The following HERPUD2 variants were observed in gnomAD, a reference collection of about 807,000 sequenced individuals.
HERPUD2 encodes the protein homocysteine-responsive endoplasmic reticulum-resident ubiquitin-like domain member 2 protein.
A neutral mutation model predicts 49.9 loss-of-function variants in HERPUD2; 13 were observed. The observed-to-expected ratio is 0.26, with a 90% CI of 0.17 to 0.41. The LOEUF (loss-of-function observed/expected upper bound fraction) is 0.41, where lower values mean the gene tolerates loss of function less well. HERPUD2 is among the 10% of genes least tolerant of loss of function. The probability of loss-of-function intolerance (pLI) is 1.00; values close to 1 mark genes in which losing one functional copy is unlikely to be tolerated. For missense variants in HERPUD2, 449 were observed against 492.2 expected, an observed-to-expected ratio of 0.91 and a Z score of 0.83; for synonymous variants, 172 against 171.4, an observed-to-expected ratio of 1.00 and a Z score of -0.03.
chr7:35,646,917 A>T (rs989601459), intron 5 of HERPUD2, among the ~76,000 whole-genome samples: 11 of 152,306 alleles, frequency 7.2e-5, no homozygotes, highest in Middle Eastern at 3.4e-3. Context: ...AACAGAAAAA[A>T]GGGAGCAAGG....
chr7:35,642,597 C>G (rs754135444), intron 5 of HERPUD2, among the ~76,000 whole-genome samples: 1 of 152,090 alleles, frequency 6.6e-6, no homozygotes, highest in Non-Finnish European at 1.5e-5. Flanking sequence ...AGAAAAAGTA[C>G]ATATACACCA....
At chr7:35,680,805 T>G (rs1785870669) in intron 2 of HERPUD2, among the ~76,000 whole-genome samples, 1 of 152,224 alleles carries the variant, frequency 6.6e-6, no homozygotes, top group African/African-American at 2.4e-5. Flanking sequence ...CAACCTGTAA[T>G]TATGTCAACA....
intron 2 of HERPUD2, 69 bp downstream of exon 2, chr7:35,694,115 G>A (rs1786260171): frequency 6.4e-7 from 1 of 1,550,954 alleles, no homozygotes; most frequent in East Asian, 2.2e-5. Flanking sequence ...GGAGAAGCAG[G>A]AAAAAGGAGG....
Position 35,651,858 on chromosome 7 carries a change from C to T in HERPUD2, c.495-13386G>A, listed in dbSNP as rs147024859. ...ATTCAGGATACAAATGAGAAATTTACCAAAGACACAGATATCATTAAAAAG... is the reference window on the plus strand; with the variant it reads ...ATTCAGGATACAAATGAGAAATTTATCAAAGACACAGATATCATTAAAAAG... On this transcript the variant is annotated intron_variant, in intron 5 of 8. Transcript: ENST00000311350. Among the ~76,000 whole-genome samples, 31 of 151,996 alleles carry T rather than the reference C, an allele frequency of 2.0e-4. No individual in the cohort carries two copies. In the East Asian group the frequency reaches 6.0e-3, roughly 29 times the overall value.
At position 35,635,343 on chromosome 7, in the gene HERPUD2, G is replaced by T; in HGVS notation, c.733C>A (p.Leu245Ile). 2 of 1,614,144 alleles carry T rather than the reference G, an allele frequency of 1.2e-6. No homozygotes were observed. The highest frequency in any genetic ancestry group is 8.5e-7 in the Non-Finnish European group (1 of 1,180,034). ...ATGGGTCGATTTTCTTGGGCCACTA[G>T]GTTTGGAGCTGGTGGGGGTTCTTCT... is the stretch of plus-strand genomic sequence containing the variant. ...PGEEPPPAPN[L>I]VAQENRPMNE... The change falls in exon 7 of 9, where the codon CTA becomes ATA. Residue 245 changes from leucine to isoleucine, a missense_variant. Transcript: ENST00000311350.
chr7:35,685,925 C>A (rs1171116118), intron 2 of HERPUD2, among the ~76,000 whole-genome samples: 5 of 151,826 alleles, frequency 3.3e-5, no homozygotes, highest in Non-Finnish European at 1.5e-5. Context: ...TGTGCCACTG[C>A]ACTCCAGCCT....
intron 5 of HERPUD2, among the ~76,000 whole-genome samples, chr7:35,660,081 T>A (rs928779950): frequency 6.6e-6 from 1 of 152,124 alleles, no homozygotes; most frequent in African/African-American, 2.4e-5. Flanking sequence ...CCTGTGTCCA[T>A]GGGTTCTCAT....
In HERPUD2 at chr7:35,670,308, A is replaced by T; in HGVS notation, c.246T>A (p.Val82=). Residue 82 remains valine (V), a synonymous_variant, in exon 4 of 9, where the codon GTT becomes GTA. Transcript: ENST00000311350. ...GAGTCCGAGAAGTACATACTAGATG[A>T]ACCATATGATACTCATCTTGCTAAA... ...ILRKQDEYHM[V]HLVCTSRTPP... is the part of the protein sequence containing the mutation. The T allele has an allele frequency of 6.5e-7, 1 of 1,533,124 alleles. No individual in the cohort carries two copies. The highest frequency in any genetic ancestry group is 8.9e-7 in the Non-Finnish European group (1 of 1,128,156). 95.0% of individuals were successfully genotyped at this position (1,533,124 alleles called of 1,614,324 possible). A position where few individuals can be genotyped will look rare whatever the true frequency, so the allele number is the denominator to read the frequency against.
intron 2 of HERPUD2, among the ~76,000 whole-genome samples, chr7:35,676,852 A>ATAACAAGATTGTTAC (rs1309128256): frequency 6.6e-6 from 1 of 152,198 alleles, no homozygotes; most frequent in Non-Finnish European, 1.5e-5. Flanking sequence ...CAAATTAACA[A>ATAACAAGATTGTTAC]TAACAAGATT....
At chr7:35,667,143 T>C (rs1375993254) in intron 5 of HERPUD2, among the ~76,000 whole-genome samples, 9 of 152,130 alleles carry the variant, frequency 5.9e-5, no homozygotes, top group Non-Finnish European at 1.3e-4. Flanking sequence ...GAAATGCAGA[T>C]TCTCAGGCCC....
rs1379725281 is a variant in HERPUD2 at position 35,638,406 on chromosome 7, G to A, written c.561C>T (p.Ser187=). The A allele has an allele frequency of 8.1e-6, 13 of 1,613,498 alleles. No individual in the cohort carries two copies. Among genetic ancestry groups the A allele is most frequent in the Non-Finnish European group, 1.1e-5 (13 of 1,179,544 alleles). ...PPGFPVYPAF[S]PLQMLWWQQM... ...GTTGCCACCATAGCATCTGCAGTGGGCTAAACGCGGGATACACTGGGAATC... is the reference window on the plus strand; with the variant it reads ...GTTGCCACCATAGCATCTGCAGTGGACTAAACGCGGGATACACTGGGAATC... The change falls in exon 6 of 9, where the codon AGC becomes AGT. Residue 187 remains serine (S), a synonymous_variant. Coordinates refer to ENST00000311350, the MANE Select transcript of HERPUD2 (RefSeq NM_022373.5).
At chr7:35,675,608 C>T (rs936853879) in intron 2 of HERPUD2, among the ~76,000 whole-genome samples, 3 of 152,074 alleles carry the variant, frequency 2.0e-5, no homozygotes, top group Non-Finnish European at 4.4e-5. Flanking sequence ...TAAAAATTAT[C>T]AAACATACAT....
chr7:35,663,940 T>C (rs1348420700), intron 5 of HERPUD2, among the ~76,000 whole-genome samples: 1 of 152,202 alleles, frequency 6.6e-6, no homozygotes, highest in Non-Finnish European at 1.5e-5. Context: ...GTCATTATGA[T>C]GTTAGCTGGT....
At chr7:35,677,720 A>G (rs960585981) in intron 2 of HERPUD2, among the ~76,000 whole-genome samples, 9 of 152,254 alleles carry the variant, frequency 5.9e-5, no homozygotes, top group Non-Finnish European at 1.3e-4. Context: ...ATGTGTTTAT[A>G]TGCCAACAGA....
At chr7:35,650,198 G>GA (rs1328213676) in intron 5 of HERPUD2, among the ~76,000 whole-genome samples, 2 of 152,156 alleles carry the variant, frequency 1.3e-5, no homozygotes, top group Non-Finnish European at 2.9e-5. Context: ...ACCTAAGGGA[G>GA]AATGCTGGAA....
chr7:35,674,459 A>G (rs528162594), intron 2 of HERPUD2, among the ~76,000 whole-genome samples: 21 of 118,392 alleles, frequency 1.8e-4, no homozygotes, highest in Middle Eastern at 4.8e-3. Context: ...AGAGAGAGAG[A>G]GAGAGGAGCA....
At chr7:35,687,569 G>GC (rs1489004014) in intron 2 of HERPUD2, among the ~76,000 whole-genome samples, 2 of 152,208 alleles carry the variant, frequency 1.3e-5, no homozygotes, top group African/African-American at 4.8e-5. Context: ...AGCTGGCCGA[G>GC]AAAACCTCTG....
At chr7:35,679,622 C>T (rs939871770) in intron 2 of HERPUD2, among the ~76,000 whole-genome samples, 3 of 152,162 alleles carry the variant, frequency 2.0e-5, no homozygotes, top group Admixed American at 6.5e-5. Flanking sequence ...GGTTTTTGCC[C>T]TGCCAGAGTC....
chr7:35,688,696 T>C (rs1475809360), intron 2 of HERPUD2, among the ~76,000 whole-genome samples: 1 of 152,180 alleles, frequency 6.6e-6, no homozygotes, highest in Non-Finnish European at 1.5e-5. Flanking sequence ...GCCAAACATA[T>C]AAATCTCTTT....
Sources: gnomAD v4.1 joint callset for allele counts (sites outside exome capture counted in the v4.1 genomes callset) on GRCh38, gnomAD v4.1.1 for gene constraint, MANE v1.5 for transcripts, NCBI Gene and HGNC (gene_info 2026-07-23, HGNC 2026-07-21) for gene names.